Variants in DPYD observed in about 807,000 individuals in gnomAD.
DPYD encodes the protein dihydropyrimidine dehydrogenase [NADP(+)].
Under a neutral mutation model 116.2 loss-of-function variants are expected in DPYD, and 109 were observed. That is an observed-to-expected ratio of 0.94 (90% CI 0.80 to 1.10). The LOEUF (loss-of-function observed/expected upper bound fraction) is 1.10. DPYD is among the 50% of genes least tolerant of loss of function. The pLI is 0.00. For missense variants in DPYD, 1,302 were observed against 1,254.5 expected, an observed-to-expected ratio of 1.04 and a Z score of -0.57; for synonymous variants, 440 against 432.0, an observed-to-expected ratio of 1.02 and a Z score of -0.23.
chr1:97,324,335 G>C (rs1021770963), intron 16 of DPYD, among the ~76,000 whole-genome samples: 15 of 151,894 alleles, frequency 9.9e-5, no homozygotes, highest in African/African-American at 3.6e-4. Context: ...TTATTGCCTG[G>C]GTTATGGCAT....
intron 7 of DPYD, among the ~76,000 whole-genome samples, chr1:97,685,748 A>G (rs1660690928): frequency 6.6e-6 from 1 of 152,186 alleles, no homozygotes; most frequent in South Asian, 2.1e-4. Flanking sequence ...TACAAAGAGA[A>G]TAAAATACCT....
intron 13 of DPYD, among the ~76,000 whole-genome samples, chr1:97,511,556 A>T (rs1407934194): frequency 1.3e-5 from 2 of 151,950 alleles, no homozygotes; most frequent in Non-Finnish European, 2.9e-5. Context: ...TATTAATATT[A>T]CTCTTATTTA....
At chr1:97,552,536 T>C (rs1047058418) in intron 11 of DPYD, among the ~76,000 whole-genome samples, 2 of 152,104 alleles carry the variant, frequency 1.3e-5, no homozygotes, top group Non-Finnish European at 2.9e-5. Context: ...CTCATGGGCA[T>C]TTCTATTGTA....
chr1:97,204,614 T>C (rs1659465627), intron 19 of DPYD, among the ~76,000 whole-genome samples: 1 of 152,088 alleles, frequency 6.6e-6, no homozygotes, highest in African/African-American at 2.4e-5. Flanking sequence ...CAGGAAACTA[T>C]TAGTGAAAAT....
chr1:97,684,195 A>C (rs557083893), intron 7 of DPYD, among the ~76,000 whole-genome samples: 1 of 152,216 alleles, frequency 6.6e-6, no homozygotes, highest in Admixed American at 6.5e-5. Flanking sequence ...CCCTCTTAAC[A>C]CTGCTTTAGC....
intron 7 of DPYD, among the ~76,000 whole-genome samples, chr1:97,684,098 G>A (rs1240330731): frequency 6.6e-6 from 1 of 152,146 alleles, no homozygotes; most frequent in Middle Eastern, 3.4e-3. Context: ...TTTTTCTCTT[G>A]CTTGTCTAGT....
chr1:97,155,104 C>T (rs1268228620), intron 20 of DPYD, among the ~76,000 whole-genome samples: 1 of 152,142 alleles, frequency 6.6e-6, no homozygotes, highest in Non-Finnish European at 1.5e-5. Context: ...GTTATTTCCT[C>T]TTTGCAGGGA....
chr1:97,673,815 A>G (rs1321370571), intron 8 of DPYD, among the ~76,000 whole-genome samples: 1 of 152,186 alleles, frequency 6.6e-6, no homozygotes, highest in Non-Finnish European at 1.5e-5. Flanking sequence ...ATTGTATCAA[A>G]TAGAAAAAAA....
rs569469105 is a variant in DPYD at position 97,566,013 on chromosome 1, T to G, written c.1339+7747A>C. Among the ~76,000 whole-genome samples the G allele has an allele frequency of 2.0e-5, 3 of 152,262 alleles. No individual in the cohort carries two copies. The South Asian group carries it at 6.2e-4, about 32-fold the overall frequency. ...GTAAAATGACTATTTAATCTAACAG[T>G]GCGGTGTTGAGCAAATTGCATAATC... On this transcript the variant is annotated intron_variant, in intron 11 of 22. Coordinates refer to ENST00000370192, the MANE Select transcript of DPYD (RefSeq NM_000110.4).
At position 97,595,044 on chromosome 1, in the gene DPYD, G is replaced by T; in HGVS notation, c.958+15C>A. ...AGCATACTCACTATTAAGCATAAAA[G>T]ACAATATGTTATACCTGCTTTACTG... On this transcript the variant is annotated intron_variant, in intron 9 of 22. Coordinates refer to ENST00000370192, the MANE Select transcript of DPYD (RefSeq NM_000110.4). The T allele has an allele frequency of 6.3e-7, 1 of 1,578,036 alleles. No homozygotes were observed. Among genetic ancestry groups the T allele is most frequent in the Non-Finnish European group, 8.7e-7 (1 of 1,149,056 alleles).
chr1:97,434,687 T>A (rs541386976), intron 14 of DPYD, among the ~76,000 whole-genome samples: 1 of 152,220 alleles, frequency 6.6e-6, no homozygotes, highest in South Asian at 2.1e-4. Context: ...AAATCATTCA[T>A]AGATAATTCT....
chr1:97,638,502 G>T (rs909293894), intron 8 of DPYD, among the ~76,000 whole-genome samples: 5 of 152,112 alleles, frequency 3.3e-5, no homozygotes, highest in African/African-American at 1.2e-4. Context: ...GAAAATTCAA[G>T]AATTAAGTTG....
intron 5 of DPYD, among the ~76,000 whole-genome samples, chr1:97,703,777 T>C (rs987235665): frequency 2.0e-5 from 3 of 152,022 alleles, no homozygotes; most frequent in Non-Finnish European, 4.4e-5. Context: ...ATGAGCATAG[T>C]TAATGGGAAA....
chr1:97,785,745 T>C (rs1666983333), intron 3 of DPYD, among the ~76,000 whole-genome samples: 1 of 132,668 alleles, frequency 7.5e-6, no homozygotes, highest in South Asian at 2.5e-4. Context: ...CAGGCTGGAG[T>C]GCAGTGGCAC....
rs1362577672 is a variant in DPYD at position 97,699,516 on chromosome 1, C to T, written c.515G>A (p.Arg172Lys). Residue 172 changes from arginine (R) to lysine (K), a missense_variant, in exon 6 of 23, where the codon AGA (arginine) becomes AAA (lysine). Physicochemically the swap from Arg to Lys is conservative, Grantham distance 26. Coordinates refer to ENST00000370192, the MANE Select transcript of DPYD (RefSeq NM_000110.4). ...VFKAMSIPQI[R>K]NPSLPPPEKM... ...TTCTGGGGGAGGCAGCGAAGGATTT[C>T]TGATCTGTGGGATACTCATTGCTTT... 1.2e-6 allele frequency: 2 copies of T among 1,613,488 alleles called. No individual in the cohort carries two copies. The highest frequency in any genetic ancestry group is 1.7e-6 in the Non-Finnish European group (2 of 1,179,572).
intron 2 of DPYD, among the ~76,000 whole-genome samples, chr1:97,859,225 T>C (rs1382840273): frequency 1.3e-5 from 2 of 152,206 alleles, no homozygotes; most frequent in Non-Finnish European, 2.9e-5. Context: ...AGAATCTCTA[T>C]GGTATGATTG....
chr1:97,184,037 A>G (rs1284999852), intron 20 of DPYD, among the ~76,000 whole-genome samples: 2 of 151,992 alleles, frequency 1.3e-5, no homozygotes, highest in African/African-American at 2.4e-5. Flanking sequence ...CTGTTCCTGC[A>G]TTAGTTTGCT....
intron 14 of DPYD, among the ~76,000 whole-genome samples, chr1:97,384,241 T>A (rs1672166438): frequency 1.5e-5 from 2 of 130,826 alleles, no homozygotes; most frequent in Non-Finnish European, 3.4e-5. Context: ...TTTTATTTAC[T>A]TTGAGAAAAA....
intron 16 of DPYD, among the ~76,000 whole-genome samples, chr1:97,331,461 C>G (rs1414103115): frequency 6.6e-6 from 1 of 152,022 alleles, no homozygotes; most frequent in African/African-American, 2.4e-5. Flanking sequence ...TCCTGGATGA[C>G]AGAGCAAGAC....
Sources: allele counts gnomAD v4.1 joint callset (sites outside exome capture counted in the v4.1 genomes callset), GRCh38; gene constraint gnomAD v4.1.1; transcripts MANE v1.5; gene names NCBI Gene and HGNC (gene_info 2026-07-23, HGNC 2026-07-21).